Variants in GPM6A observed in about 807,000 individuals in gnomAD.
GPM6A encodes glycoprotein M6A.
In GPM6A, 7 loss-of-function variants were observed where a neutral mutation model predicts 32.1. The observed-to-expected ratio is 0.22, with a 90% CI of 0.12 to 0.41. GPM6A has a LOEUF of 0.41. Among genes scored for constraint, GPM6A ranks in the 10% least tolerant of loss-of-function variants. The pLI, the probability that GPM6A is intolerant of heterozygous loss-of-function variation, is 1.00. For missense variants in GPM6A, 235 were observed against 347.2 expected (o/e 0.68, Z 2.57); for synonymous variants, 130 against 123.4 (o/e 1.05, Z -0.35).
intron 2 of GPM6A, among the ~76,000 whole-genome samples, chr4:175,683,455 A>G (rs892944341): frequency 1.3e-5 from 2 of 152,122 alleles, no homozygotes; most frequent in Non-Finnish European, 2.9e-5. Flanking sequence ...GCATGATTAT[A>G]TTTTGCAACA....
intron 1 of GPM6A, among the ~76,000 whole-genome samples, chr4:175,883,523 C>T (rs1737348554): frequency 6.6e-6 from 1 of 152,092 alleles, no homozygotes; most frequent in South Asian, 2.1e-4. Flanking sequence ...AAATTTTCAT[C>T]AGAAGTACTT....
chr4:175,881,673 G>A (rs931795684), intron 1 of GPM6A, among the ~76,000 whole-genome samples: 1 of 152,080 alleles, frequency 6.6e-6, no homozygotes, highest in African/African-American at 2.4e-5. Context: ...CATAAAAAAC[G>A]ATGAGTTCAT....
At chr4:175,961,807 G>C (rs756095275) in intron 1 of GPM6A, among the ~76,000 whole-genome samples, 3 of 152,102 alleles carry the variant, frequency 2.0e-5, no homozygotes, top group Non-Finnish European at 4.4e-5. Flanking sequence ...ACCCAACCTC[G>C]AAGAAGGGAA....
chr4:175,873,163 T>A (rs993087712), intron 1 of GPM6A, among the ~76,000 whole-genome samples: 1 of 150,454 alleles, frequency 6.6e-6, no homozygotes, highest in African/African-American at 2.5e-5. Flanking sequence ...TTTCTCAGTT[T>A]AATGAAGTAA....
chr4:175,832,805 A>C (rs1173820108), intron 1 of GPM6A, among the ~76,000 whole-genome samples: 1 of 152,198 alleles, frequency 6.6e-6, no homozygotes, highest in Non-Finnish European at 1.5e-5. Context: ...AGCTACAACC[A>C]CCTAAAATCA....
At chr4:175,841,461 A>G (rs77157714) in intron 1 of GPM6A, among the ~76,000 whole-genome samples, 5,198 of 152,230 alleles carry the variant, frequency 0.034, 154 homozygotes, top group East Asian at 0.12. Flanking sequence ...ATGGTAAAAT[A>G]AAGATTAGTG....
chr4:175,914,165 G>T (rs1738411728), intron 1 of GPM6A, among the ~76,000 whole-genome samples: 1 of 151,996 alleles, frequency 6.6e-6, no homozygotes, highest in African/African-American at 2.4e-5. Flanking sequence ...AATGTGTGGG[G>T]GGGGTAGGGA....
intron 1 of GPM6A, among the ~76,000 whole-genome samples, chr4:175,994,631 G>T (rs2126466505): frequency 6.6e-6 from 1 of 152,292 alleles, no homozygotes; most frequent in East Asian, 1.9e-4. Flanking sequence ...TGCTGGTGGA[G>T]GGCCTTGCCT....
At chr4:175,672,468 T>C (rs1054675569) in intron 3 of GPM6A, among the ~76,000 whole-genome samples, 2 of 152,192 alleles carry the variant, frequency 1.3e-5, no homozygotes, top group Admixed American at 6.5e-5. Context: ...AGAAGGGAAA[T>C]GAATCTTAAA....
chr4:175,706,718 G>A (rs918993781), intron 1 of GPM6A, among the ~76,000 whole-genome samples: 1 of 152,166 alleles, frequency 6.6e-6, no homozygotes, highest in Non-Finnish European at 1.5e-5. Flanking sequence ...TAGGGGCTGG[G>A]TGAAATAAGG....
At chr4:175,775,720 C>A (rs764217408) in intron 1 of GPM6A, among the ~76,000 whole-genome samples, 2 of 152,056 alleles carry the variant, frequency 1.3e-5, no homozygotes, top group Non-Finnish European at 2.9e-5. Flanking sequence ...GTGGTATAAA[C>A]AAGTCCACAA....
At chr4:175,833,591 C>T (rs1370521190) in intron 1 of GPM6A, among the ~76,000 whole-genome samples, 1 of 152,094 alleles carries the variant, frequency 6.6e-6, no homozygotes, top group Non-Finnish European at 1.5e-5. Flanking sequence ...AATTCAGCTT[C>T]GTGTTGTTCC....
rs529494963 is a variant in GPM6A at position 175,788,431 on chromosome 4, T to C, written c.37+23760A>G. Among the ~76,000 whole-genome samples the C allele has an allele frequency of 9.2e-5, 14 of 152,284 alleles. No individual in the cohort carries two copies. The East Asian group carries it at 2.7e-3, about 29-fold the overall frequency. ...AGGTATATTCAGTCTGTTTTATTAA[T>C]AGAAATAAAAGTAGAAATATACAGA... On this transcript the variant is annotated intron_variant, in intron 1 of 6. Transcript: ENST00000393658.
chr4:175,915,789 G>A (rs552396298), intron 1 of GPM6A, among the ~76,000 whole-genome samples: 4 of 152,298 alleles, frequency 2.6e-5, no homozygotes, highest in African/African-American at 9.6e-5. Context: ...AACGCTGTCT[G>A]GTGATATGTT....
intron 6 of GPM6A, among the ~76,000 whole-genome samples, chr4:175,635,970 C>A (rs1025800049): frequency 1.3e-5 from 2 of 151,658 alleles, no homozygotes; most frequent in Admixed American, 6.6e-5. Context: ...AAAGAGGAGG[C>A]GGGCTGGTTC....
At chr4:175,925,778 G>A (rs996958434) in intron 1 of GPM6A, among the ~76,000 whole-genome samples, 2 of 151,340 alleles carry the variant, frequency 1.3e-5, no homozygotes, top group Non-Finnish European at 2.9e-5. Flanking sequence ...AAATACAGCT[G>A]TAGTTGTCAA....
At chr4:175,754,010 A>T (rs975362244) in intron 1 of GPM6A, among the ~76,000 whole-genome samples, 12 of 152,150 alleles carry the variant, frequency 7.9e-5, no homozygotes, top group African/African-American at 2.4e-4. Flanking sequence ...AATTACTCCA[A>T]CTAGAAAAAT....
At chr4:175,700,110 A>C (rs1579399966) in intron 2 of GPM6A, among the ~76,000 whole-genome samples, 1 of 151,936 alleles carries the variant, frequency 6.6e-6, no homozygotes, top group South Asian at 2.1e-4. Flanking sequence ...TGATCTGCCT[A>C]CCTCAGCCTC....
intron 2 of GPM6A, among the ~76,000 whole-genome samples, chr4:175,697,267 T>TA (rs1744632227): frequency 6.6e-6 from 1 of 152,150 alleles, no homozygotes; most frequent in Admixed American, 6.6e-5. Flanking sequence ...CTCCATATTT[T>TA]ATTGTCCCAA....
Sources: gnomAD v4.1 joint callset for allele counts (sites outside exome capture counted in the v4.1 genomes callset) on GRCh38, gnomAD v4.1.1 for gene constraint, MANE v1.5 for transcripts, NCBI Gene and HGNC (gene_info 2026-07-23, HGNC 2026-07-21) for gene names.